Variants in IGSF10 observed in about 807,000 individuals in gnomAD.
IGSF10 encodes the protein immunoglobulin superfamily member 10.
IGSF10 carries 126 observed loss-of-function variants against 128.2 expected under a neutral mutation model. That is an observed-to-expected ratio of 0.98 (90% CI 0.85 to 1.14). IGSF10 has a LOEUF of 1.14. IGSF10 is among the 50% of genes most tolerant of loss of function. The pLI, the probability that IGSF10 is intolerant of heterozygous loss-of-function variation, is 0.00. For missense variants in IGSF10, 3,295 were observed against 3,149.8 expected (o/e 1.05, Z -1.10); for synonymous variants, 1,185 against 1,146.2 (o/e 1.03, Z -0.68).
the IGSF10 span, among the ~76,000 whole-genome samples, chr3:151,511,709 T>G: frequency 6.6e-6 from 1 of 152,120 alleles, no homozygotes; most frequent in African/African-American, 2.4e-5. Flanking sequence ...GTGTGCTGTA[T>G]TCAGGAAAAC....
downstream of IGSF10, chr3:151,434,979 C>T (rs1299678200): frequency 2.0e-5 from 3 of 149,980 alleles, no homozygotes; most frequent in East Asian, 4.1e-4. Context: ...TGCTGTTTTA[C>T]CCCTGCGCAT....
upstream of IGSF10, among the ~76,000 whole-genome samples, chr3:151,463,773 G>T: frequency 6.6e-6 from 1 of 151,778 alleles, no homozygotes; most frequent in East Asian, 1.9e-4. Context: ...ATCACCTGAG[G>T]TCAGGAATTT....
chr3:151,471,014 A>C, the IGSF10 span, among the ~76,000 whole-genome samples: 1 of 151,904 alleles, frequency 6.6e-6, no homozygotes, highest in Non-Finnish European at 1.5e-5. Flanking sequence ...TAATGATATG[A>C]TTTAGCTCTG....
the IGSF10 span, among the ~76,000 whole-genome samples, chr3:151,496,405 G>A: frequency 7.1e-6 from 1 of 140,180 alleles, no homozygotes; most frequent in African/African-American, 2.7e-5. Context: ...GTGTCCATGT[G>A]TTCTCATTGT....
Position 151,448,825 on chromosome 3 carries a change from G to A in IGSF10, c.1156C>T (p.Leu386=). ...AGCAAGTGGCTCCTTTCTAGTATCA[G>A]AGGAGAATCACTGTACAAAGCCAAA... ...QILALYSDSP[L]ILERSHLLSE... The change falls in exon 6 of 8, where the codon CTG becomes TTG. Residue 386 remains leucine, a synonymous_variant. Transcript: ENST00000282466. 6.2e-7 allele frequency: 1 copy of A among 1,613,614 alleles called. No individual in the cohort carries two copies. Among genetic ancestry groups the A allele is most frequent in the Non-Finnish European group, 8.5e-7 (1 of 1,179,508 alleles).
At chr3:151,495,077 G>C in the IGSF10 span, among the ~76,000 whole-genome samples, 2 of 152,082 alleles carry the variant, frequency 1.3e-5, no homozygotes, top group Non-Finnish European at 2.9e-5. Context: ...ACACCAAAGC[G>C]TATATTGAAG....
the IGSF10 span, among the ~76,000 whole-genome samples, chr3:151,476,411 A>G: frequency 6.6e-6 from 1 of 151,770 alleles, no homozygotes; most frequent in African/African-American, 2.4e-5. Flanking sequence ...GCCCCAAATG[A>G]GGATGGGGCA....
At chr3:151,545,675 T>G in the IGSF10 span, among the ~76,000 whole-genome samples, 1 of 152,214 alleles carries the variant, frequency 6.6e-6, no homozygotes, top group East Asian at 1.9e-4. Flanking sequence ...TCCATCTGTT[T>G]GTTATTTATT....
chr3:151,550,303 A>T, the IGSF10 span, among the ~76,000 whole-genome samples: 1 of 152,076 alleles, frequency 6.6e-6, no homozygotes, highest in Non-Finnish European at 1.5e-5. Context: ...CAAACATTTG[A>T]ATTTTTTTAC....
chr3:151,575,588 G>A, the IGSF10 span, among the ~76,000 whole-genome samples: 1 of 152,236 alleles, frequency 6.6e-6, no homozygotes, highest in Non-Finnish European at 1.5e-5. Context: ...GAAAAGCACA[G>A]TATTAAGGTG....
At position 151,445,777 on chromosome 3, in the gene IGSF10, T is replaced by C. The variant is rs766052207; in HGVS notation, c.4204A>G (p.Thr1402Ala). The change falls in exon 6 of 8, where the codon ACT becomes GCT. Residue 1402 changes from threonine (T) to alanine (A), a missense_variant. By Grantham distance (58) the Thr-to-Ala change is moderately conservative (BLOSUM62 0). Transcript: ENST00000282466. ...AFTHSPPENTTGISSTISFHS... is the reference protein window; with the variant it reads ...AFTHSPPENTAGISSTISFHS... Reference sequence around the variant, plus strand: ...AAACTGATTGTGCTTGAAATCCCAGTTGTGTTTTCTGGTGGGGAATGAGTG... The same window carrying C: ...AAACTGATTGTGCTTGAAATCCCAGCTGTGTTTTCTGGTGGGGAATGAGTG... The C allele has an allele frequency of 6.2e-7, 1 of 1,614,218 alleles. No individual in the cohort carries two copies. The highest frequency in any genetic ancestry group is 1.6e-4 in the Middle Eastern group (1 of 6,062).
At chr3:151,441,985 T>C (rs538551815) in intron 7 of IGSF10, among the ~76,000 whole-genome samples, 102 of 152,272 alleles carry the variant, frequency 6.7e-4, no homozygotes, top group African/African-American at 2.1e-3. Context: ...GGCGTGAACC[T>C]GGGAGGCGGA....
chr3:151,603,021 C>T, the IGSF10 span, among the ~76,000 whole-genome samples: 1 of 152,152 alleles, frequency 6.6e-6, no homozygotes, highest in African/African-American at 2.4e-5. Context: ...TATTTCATAT[C>T]TTTTTTAAAA....
chr3:151,530,329 G>C, the IGSF10 span, among the ~76,000 whole-genome samples: 1 of 152,034 alleles, frequency 6.6e-6, no homozygotes, highest in Middle Eastern at 3.2e-3. Flanking sequence ...AACCTAGCAA[G>C]GTAGGCCACA....
In IGSF10 at chr3:151,444,822, AACTGAT is replaced by A. The variant is rs1374050971; in HGVS notation, c.5062+91_5062+96del. ...GTTTCTTTGTCTTAGAAAAATTTGA[AACTGAT>A]ACTGATTCTTTGGATGTTTAATCCC... On this transcript the variant is annotated intron_variant, in intron 6 of 7. Coordinates refer to ENST00000282466, the MANE Select transcript of IGSF10 (RefSeq NM_178822.5). 8.5e-6 allele frequency: 10 copies of A among 1,176,068 alleles called. No homozygotes were observed. In the African/African-American group the frequency reaches 1.5e-4, roughly 18 times the overall value. 72.9% of individuals were successfully genotyped at this position (1,176,068 alleles called of 1,614,324 possible).
At chr3:151,499,871 T>C in the IGSF10 span, 1 of 152,170 alleles carries the variant, frequency 6.6e-6, no homozygotes, top group Non-Finnish European at 1.5e-5. Flanking sequence ...CCATGTTACA[T>C]GTAAAAGCAA....
chr3:151,525,189 C>G, the IGSF10 span, among the ~76,000 whole-genome samples: 2 of 151,890 alleles, frequency 1.3e-5, no homozygotes, highest in African/African-American at 4.8e-5. Context: ...CCCTGCCTGG[C>G]TCATTATAAT....
chr3:151,452,670 G>A (rs1406157459), intron 5 of IGSF10, among the ~76,000 whole-genome samples: 1 of 151,970 alleles, frequency 6.6e-6, no homozygotes, highest in Non-Finnish European at 1.5e-5. Context: ...ATGTAAGTTT[G>A]GGACATATTG....
At chr3:151,432,948 A>G (rs1301943996), downstream of IGSF10, 68 of 630,404 alleles carry the variant, frequency 1.1e-4, 2 homozygotes, top group East Asian at 1.8e-3. Flanking sequence ...TCACAAAAAA[A>G]AAAAAAGGTG....
Sources: gnomAD v4.1 joint callset for allele counts (sites outside exome capture counted in the v4.1 genomes callset) on GRCh38, gnomAD v4.1.1 for gene constraint, MANE v1.5 for transcripts, NCBI Gene and HGNC (gene_info 2026-07-23, HGNC 2026-07-21) for gene names.